The following FSHR variants were observed in gnomAD, a reference collection of about 807,000 sequenced individuals.
The protein encoded by FSHR is follicle stimulating hormone receptor.
FSHR carries 46 observed loss-of-function variants against 52.1 expected under a neutral mutation model. The ratio of observed to expected loss-of-function variants is 0.88; its 90% confidence interval spans 0.70 to 1.13. FSHR has a LOEUF of 1.13. Among genes scored for constraint, FSHR ranks in the 50% most tolerant of loss-of-function variants. The pLI is 0.00. For missense variants in FSHR, 964 were observed against 834.6 expected (o/e 1.16, Z -1.91); for synonymous variants, 399 against 309.6 (o/e 1.29, Z -3.03).
chr2:49,114,668 G>A (rs975494745), intron 1 of FSHR, among the ~76,000 whole-genome samples: 6 of 152,164 alleles, frequency 3.9e-5, no homozygotes, highest in Non-Finnish European at 7.3e-5. Flanking sequence ...CTTGGAGAGT[G>A]TAGTAAAGAC....
At chr2:49,113,447 C>T (rs1671496228) in intron 1 of FSHR, among the ~76,000 whole-genome samples, 1 of 152,344 alleles carries the variant, frequency 6.6e-6, no homozygotes, top group Non-Finnish European at 1.5e-5. Context: ...AATCCAGCCA[C>T]ATACTCACCT....
intron 9 of FSHR, among the ~76,000 whole-genome samples, chr2:48,966,477 G>A (rs1459109618): frequency 6.6e-6 from 1 of 152,146 alleles, no homozygotes; most frequent in South Asian, 2.1e-4. Context: ...TAGTTGATAC[G>A]AACTTTTGGG....
Position 49,058,500 on chromosome 2 carries a change from C to T in FSHR, c.224+9719G>A, listed in dbSNP as rs191666089. On this transcript the variant is annotated intron_variant, in intron 2 of 9. Transcript: ENST00000406846. The stretch of plus-strand genomic sequence containing the variant: ...GGCAGAGGTTGCAGTGAGCAGAGAT[C>T]GAGCCACTGCACTCCAGCTTGGTGA... 4.2e-3 allele frequency among the ~76,000 whole-genome samples: 641 copies of T among 152,072 alleles called. 8 individuals are homozygous for T. Among genetic ancestry groups the T allele is most frequent in the African/African-American group, 0.014 (592 of 41,490 alleles).
chr2:49,092,227 A>G (rs1272304357), intron 1 of FSHR, among the ~76,000 whole-genome samples: 7 of 152,204 alleles, frequency 4.6e-5, no homozygotes, highest in African/African-American at 1.7e-4. Flanking sequence ...GCATCCTATG[A>G]ATTTGTTAAA....
intron 6 of FSHR, 89 bp from the exon 7 acceptor site, chr2:48,983,255 C>T (rs561783189): frequency 8.2e-7 from 1 of 1,215,170 alleles, no homozygotes; most frequent in Non-Finnish European, 1.2e-6. Context: ...CAAGGGCAGA[C>T]AGCACAGGTT....
At chr2:49,048,596 T>C (rs1668746613) in intron 2 of FSHR, among the ~76,000 whole-genome samples, 1 of 152,240 alleles carries the variant, frequency 6.6e-6, no homozygotes, top group South Asian at 2.1e-4. Context: ...ATTACGTGTT[T>C]ATAAAACATT....
At chr2:49,138,248 C>T (rs375598481) in intron 1 of FSHR, among the ~76,000 whole-genome samples, 1 of 152,112 alleles carries the variant, frequency 6.6e-6, no homozygotes, top group East Asian at 1.9e-4. Flanking sequence ...AAATAGTAAA[C>T]CTCATACACT....
chr2:49,127,902 T>TCTTCTTCTTCTTCTTCTTCTTCTTC (rs1476153675), intron 1 of FSHR, among the ~76,000 whole-genome samples: 1 of 132,612 alleles, frequency 7.5e-6, no homozygotes, highest in African/African-American at 3.1e-5. Context: ...CTTCTTCTTT[T>TCTTCTTCTTCTTCTTCTTCTTCTTC]TTTTTTTTGA....
chr2:49,040,687 C>T lies in FSHR; in HGVS notation c.225-20527G>A, dbSNP rs536769297. On this transcript the variant is annotated intron_variant, in intron 2 of 9. Transcript: ENST00000406846. ...GAAAAAGAATAGCATGGATGTGGGG[C>T]CATGGGGAGTCTGGCCTGGCAGCAG... is the stretch of plus-strand genomic sequence containing the variant. Among the ~76,000 whole-genome samples, 8 of 152,158 alleles carry T rather than the reference C, an allele frequency of 5.3e-5. No individual in the cohort carries two copies. The South Asian group carries it at 1.7e-3, about 32-fold the overall frequency.
intron 4 of FSHR, among the ~76,000 whole-genome samples, chr2:49,010,537 C>T (rs917955865): frequency 6.6e-6 from 1 of 151,862 alleles, no homozygotes; most frequent in African/African-American, 2.4e-5. Flanking sequence ...ATGATGCTGG[C>T]CTCATAAAAT....
chr2:49,025,246 G>A (rs1667876787), intron 2 of FSHR, among the ~76,000 whole-genome samples: 1 of 152,106 alleles, frequency 6.6e-6, no homozygotes, highest in African/African-American at 2.4e-5. Flanking sequence ...TTTGATTAAG[G>A]AGCTTCTGTG....
At chr2:49,036,258 T>C (rs1668267781) in intron 2 of FSHR, among the ~76,000 whole-genome samples, 1 of 152,142 alleles carries the variant, frequency 6.6e-6, no homozygotes. Context: ...TTATTTTTCT[T>C]CCTCTTTTGG....
intron 6 of FSHR, among the ~76,000 whole-genome samples, chr2:48,984,005 G>T (rs149268969): frequency 1.3e-5 from 2 of 152,104 alleles, no homozygotes; most frequent in Non-Finnish European, 2.9e-5. Context: ...AGCTTAGCCC[G>T]AAGAACCTCT....
At chr2:49,057,618 C>T (rs569405739) in intron 2 of FSHR, among the ~76,000 whole-genome samples, 1 of 152,218 alleles carries the variant, frequency 6.6e-6, no homozygotes, top group Non-Finnish European at 1.5e-5. Context: ...TAATTAATAC[C>T]AATTCTTCTC....
At chr2:49,006,011 G>A in intron 4 of FSHR, among the ~76,000 whole-genome samples, 1 of 152,106 alleles carries the variant, frequency 6.6e-6, no homozygotes, top group East Asian at 1.9e-4. Context: ...GACTGGCTTA[G>A]CCTCTCAGCC....
chr2:49,025,823 T>C (rs1443604352), intron 2 of FSHR, among the ~76,000 whole-genome samples: 5 of 152,170 alleles, frequency 3.3e-5, no homozygotes, highest in African/African-American at 1.2e-4. Flanking sequence ...CTAAATCCTA[T>C]AGTGAGATTG....
chr2:49,023,627 C>G (rs954156950), intron 2 of FSHR, among the ~76,000 whole-genome samples: 1 of 152,110 alleles, frequency 6.6e-6, no homozygotes, highest in South Asian at 2.1e-4. Context: ...TTTATCCGTG[C>G]CTCTCTGGGT....
chr2:49,142,152 C>T (rs1021006063), intron 1 of FSHR, among the ~76,000 whole-genome samples: 1 of 152,132 alleles, frequency 6.6e-6, no homozygotes, highest in African/African-American at 2.4e-5. Flanking sequence ...GTGCTGGGGA[C>T]TATTCAACAT....
intron 8 of FSHR, among the ~76,000 whole-genome samples, chr2:48,981,007 G>A (rs905049142): frequency 6.6e-6 from 1 of 152,128 alleles, no homozygotes. Context: ...AACTTTCAGG[G>A]CTTTTTGCTA....
Sources: allele counts gnomAD v4.1 joint callset (sites outside exome capture counted in the v4.1 genomes callset), GRCh38; gene constraint gnomAD v4.1.1; transcripts MANE v1.5; gene names NCBI Gene and HGNC (gene_info 2026-07-23, HGNC 2026-07-21).